KAZN: variants seen among roughly 807,000 people sequenced by gnomAD.
KAZN encodes the protein kazrin, periplakin interacting protein, also known as kazrin.
Under a neutral mutation model 87.4 loss-of-function variants are expected in KAZN, and 40 were observed. The observed-to-expected ratio is 0.46, with a 90% CI of 0.36 to 0.60. The LOEUF (loss-of-function observed/expected upper bound fraction) is 0.60. Ranked by LOEUF, KAZN falls within the 20% of genes least tolerant of loss-of-function variation. The pLI, the probability that KAZN is intolerant of heterozygous loss-of-function variation, is 0.00. For synonymous variants in KAZN, 466 were observed against 458.3 expected, an observed-to-expected ratio of 1.02 and a Z score of -0.22; for missense variants, 898 against 1,073.9, an observed-to-expected ratio of 0.84 and a Z score of 2.29.
intron 2 of KAZN, among the ~76,000 whole-genome samples, chr1:14,530,294 C>A (rs981153414): frequency 5.3e-5 from 8 of 152,210 alleles, no homozygotes; most frequent in Non-Finnish European, 8.8e-5. Context: ...CGCTCTAATC[C>A]AGGAGAGTCT....
intron 2 of KAZN, among the ~76,000 whole-genome samples, chr1:15,024,184 A>G (rs1195083340): frequency 1.3e-5 from 2 of 152,174 alleles, no homozygotes; most frequent in African/African-American, 4.8e-5. Context: ...AACAGAGTCC[A>G]AAACGGAGCA....
intron 2 of KAZN, among the ~76,000 whole-genome samples, chr1:14,980,718 G>A (rs1666154453): frequency 1.3e-5 from 2 of 152,164 alleles, no homozygotes; most frequent in Non-Finnish European, 2.9e-5. Context: ...GAGAGGCAGG[G>A]GGTGTCTCGG....
chr1:14,125,949 A>G, intron 1 of KAZN, among the ~76,000 whole-genome samples: 1 of 81,480 alleles, frequency 1.2e-5, no homozygotes, highest in Non-Finnish European at 2.2e-5. Flanking sequence ...AGGCCAGTGG[A>G]GTGTGGTGCG....
At chr1:14,319,340 C>G (rs146123504) in intron 2 of KAZN, among the ~76,000 whole-genome samples, 1 of 152,074 alleles carries the variant, frequency 6.6e-6, no homozygotes, top group African/African-American at 2.4e-5. Flanking sequence ...CCAGGGATAA[C>G]TCTGGCTGAA....
chr1:14,468,053 A>C (rs766820847), intron 2 of KAZN, among the ~76,000 whole-genome samples: 1 of 152,162 alleles, frequency 6.6e-6, no homozygotes, highest in Non-Finnish European at 1.5e-5. Flanking sequence ...CCTACAATGA[A>C]GGCCAAGAGG....
chr1:13,933,418 G>A (rs1166402251), intron 1 of KAZN, among the ~76,000 whole-genome samples: 1 of 151,992 alleles, frequency 6.6e-6, no homozygotes, highest in Admixed American at 6.6e-5. Context: ...CTTGAACCCG[G>A]GAGACGGAGG....
At chr1:14,361,478 T>C (rs1344626088) in intron 2 of KAZN, among the ~76,000 whole-genome samples, 1 of 152,206 alleles carries the variant, frequency 6.6e-6, no homozygotes, top group Non-Finnish European at 1.5e-5. Context: ...TCACTGGCGT[T>C]CCAGGTGCCA....
intron 2 of KAZN, among the ~76,000 whole-genome samples, chr1:14,272,543 C>T (rs1388480036): frequency 1.3e-5 from 2 of 152,106 alleles, no homozygotes; most frequent in African/African-American, 4.8e-5. Flanking sequence ...GTGCCTTGCT[C>T]CAAAGAGCAA....
intron 1 of KAZN, among the ~76,000 whole-genome samples, chr1:14,850,363 C>T (rs566488907): frequency 1.3e-5 from 2 of 152,290 alleles, no homozygotes; most frequent in South Asian, 4.1e-4. Flanking sequence ...TACTGACCAA[C>T]CACATGTGAG....
At chr1:14,576,288 G>A (rs529918272) in intron 2 of KAZN, among the ~76,000 whole-genome samples, 9 of 149,924 alleles carry the variant, frequency 6.0e-5, no homozygotes, top group African/African-American at 2.2e-4. Context: ...CTAGAAGGAT[G>A]GAAGGATGGA....
chr1:14,489,100 ATTG>A (rs1211189962), intron 2 of KAZN, among the ~76,000 whole-genome samples: 1 of 152,206 alleles, frequency 6.6e-6, no homozygotes, highest in African/African-American at 2.4e-5. Flanking sequence ...TTCTTTGGCA[ATTG>A]TTGTTTTCGT....
At chr1:14,848,934 C>A (rs59153767) in intron 1 of KAZN, among the ~76,000 whole-genome samples, 1 of 152,074 alleles carries the variant, frequency 6.6e-6, no homozygotes, top group African/African-American at 2.4e-5. Flanking sequence ...GTGCATGGAG[C>A]GGGGGCTGGC....
At chr1:14,841,388 A>G (rs1647974863) in intron 1 of KAZN, among the ~76,000 whole-genome samples, 1 of 134,342 alleles carries the variant, frequency 7.4e-6, no homozygotes, top group South Asian at 2.5e-4. Flanking sequence ...CCTGGGCGAC[A>G]GAGCAAGACT....
intron 2 of KAZN, among the ~76,000 whole-genome samples, chr1:14,479,848 G>A (rs1260508038): frequency 6.6e-6 from 1 of 152,152 alleles, no homozygotes; most frequent in African/African-American, 2.4e-5. Flanking sequence ...ACTTCAGCAG[G>A]TGTCTCTATT....
At chr1:14,886,655 G>T (rs1654101050) in intron 1 of KAZN, among the ~76,000 whole-genome samples, 1 of 152,082 alleles carries the variant, frequency 6.6e-6, no homozygotes, top group Non-Finnish European at 1.5e-5. Context: ...GCCAGGAGTG[G>T]TGGCGCATGC....
chr1:13,914,201 C>T (rs1005297), intron 1 of KAZN, among the ~76,000 whole-genome samples: 30,427 of 152,196 alleles, frequency 0.2, 3,423 homozygotes, highest in Non-Finnish European at 0.26. Flanking sequence ...TTGCTAAAAA[C>T]GACAAGGAAA....
At chr1:13,905,170 T>C (rs1299118721) in intron 1 of KAZN, among the ~76,000 whole-genome samples, 1 of 152,236 alleles carries the variant, frequency 6.6e-6, no homozygotes, top group Non-Finnish European at 1.5e-5. Context: ...ATTTATTTAA[T>C]CATTTAAAAT....
chr1:15,059,798 G>A (rs905384112), intron 5 of KAZN, among the ~76,000 whole-genome samples: 4 of 152,308 alleles, frequency 2.6e-5, no homozygotes, highest in Non-Finnish European at 4.4e-5. Context: ...GAGTACTCAC[G>A]TATTAATGCA....
chr1:13,985,745 T>C (rs1486409613), intron 1 of KAZN, among the ~76,000 whole-genome samples: 2 of 152,236 alleles, frequency 1.3e-5, no homozygotes, highest in Non-Finnish European at 2.9e-5. Flanking sequence ...GATTTGTGTA[T>C]TCTGGACATT....
Sources: allele counts gnomAD v4.1 joint callset (sites outside exome capture counted in the v4.1 genomes callset), GRCh38; gene constraint gnomAD v4.1.1; transcripts MANE v1.5; gene names NCBI Gene and HGNC (gene_info 2026-07-23, HGNC 2026-07-21).